AZIN1: variants seen among roughly 807,000 people sequenced by gnomAD.
AZIN1 encodes ornithine decarboxylase antizyme inhibitor.
In AZIN1, 12 loss-of-function variants were observed where a neutral mutation model predicts 47.4. The observed-to-expected ratio is 0.25, with a 90% CI of 0.16 to 0.41. The LOEUF is 0.41. Ranked by LOEUF, AZIN1 falls within the 10% of genes least tolerant of loss-of-function variation. The pLI, the probability that AZIN1 is intolerant of heterozygous loss-of-function variation, is 1.00. For missense variants in AZIN1, 410 were observed against 532.4 expected (o/e 0.77, Z 2.26); for synonymous variants, 155 against 176.3 (o/e 0.88, Z 0.96).
rs2131180127 is a variant in AZIN1 at position 102,826,984 on chromosome 8, A to T, written c.*1583T>A. The T allele has an allele frequency of 6.5e-6, 1 of 152,722 alleles. No individual in the cohort carries two copies. Among genetic ancestry groups the T allele is most frequent in the East Asian group, 1.9e-4 (1 of 5,188 alleles). 9.5% of individuals were successfully genotyped at this position (152,722 alleles called of 1,614,324 possible). On this transcript the variant is annotated 3_prime_UTR_variant, in exon 12 of 12. Coordinates refer to ENST00000337198, the MANE Select transcript of AZIN1 (RefSeq NM_148174.4). ...TTAAATGGGCATTAATCAAATCAAA[A>T]AATATTAAGCACCTACTGGTTTAAG... is the stretch of plus-strand genomic sequence containing the variant.
At chr8:102,856,881 G>A (rs1265954102) in intron 2 of AZIN1, among the ~76,000 whole-genome samples, 3 of 152,206 alleles carry the variant, frequency 2.0e-5, no homozygotes, top group South Asian at 4.1e-4. Flanking sequence ...TTTGGGTGAG[G>A]CTGAGATTCT....
chr8:102,862,944 T>C (rs777665980), intron 1 of AZIN1, among the ~76,000 whole-genome samples: 2 of 152,220 alleles, frequency 1.3e-5, no homozygotes, highest in Non-Finnish European at 2.9e-5. Context: ...AAGACAGTAG[T>C]TGATAAGCCA....
chr8:102,858,528 G>A (rs151079547), intron 1 of AZIN1, among the ~76,000 whole-genome samples: 10 of 152,182 alleles, frequency 6.6e-5, no homozygotes, highest in African/African-American at 2.4e-4. Flanking sequence ...CACCAACCTA[G>A]TGTATATACA....
At position 102,857,800 on chromosome 8, in the gene AZIN1, T is replaced by C. The variant is rs531134600; in HGVS notation, c.-96+213A>G. Reference sequence around the variant, plus strand: ...TTTCTAAGTTATGCATACAAGATAGTTTTAAATGATCCAGTCATTGGTAAA... The same window carrying C: ...TTTCTAAGTTATGCATACAAGATAGCTTTAAATGATCCAGTCATTGGTAAA... On this transcript the variant is annotated intron_variant, in intron 2 of 11. Transcript: ENST00000337198. Among the ~76,000 whole-genome samples the C allele has an allele frequency of 5.3e-5, 8 of 152,036 alleles. No individual in the cohort carries two copies. The South Asian group carries it at 1.3e-3, about 24-fold the overall frequency.
rs1379936928 is a variant in AZIN1 at position 102,833,038 on chromosome 8, A to G, written c.904+18T>C. On this transcript the variant is annotated intron_variant, in intron 9 of 11. Coordinates refer to ENST00000337198, the MANE Select transcript of AZIN1 (RefSeq NM_148174.4). ...ATTATCTACCAACAAAAATAAAACT[A>G]TAAACTTTATAACTTACCTCCAGAG... 1.3e-6 allele frequency: 2 copies of G among 1,580,832 alleles called. No individual in the cohort carries two copies. The highest frequency in any genetic ancestry group is 1.7e-6 in the Non-Finnish European group (2 of 1,153,130).
chr8:102,835,971 A>C (rs187910052), intron 6 of AZIN1, among the ~76,000 whole-genome samples: 167 of 152,334 alleles, frequency 1.1e-3, no homozygotes, highest in Non-Finnish European at 2.1e-3. Context: ...CATCCAATTT[A>C]AAAGGCGGCG....
intron 2 of AZIN1, 36 bp downstream of exon 2, chr8:102,857,977 G>C: frequency 2.5e-6 from 1 of 398,784 alleles, no homozygotes; most frequent in South Asian, 1.3e-4. Context: ...CGATTTTAAA[G>C]ACCTCCTCCC....
At chr8:102,842,656 G>A (rs1374007540) in intron 3 of AZIN1, among the ~76,000 whole-genome samples, 9 of 150,072 alleles carry the variant, frequency 6.0e-5, no homozygotes, top group Admixed American at 2.0e-4. Flanking sequence ...GCAGTGAGCC[G>A]AGATACTGCC....
At chr8:102,841,806 A>T (rs918288560) in intron 3 of AZIN1, among the ~76,000 whole-genome samples, 13 of 97,956 alleles carry the variant, frequency 1.3e-4, no homozygotes, top group African/African-American at 3.2e-4. Flanking sequence ...ATATATATAT[A>T]AAAAAAAAAA....
Position 102,833,238 on chromosome 8 carries a change from C to T in AZIN1, c.742-20G>A, listed in dbSNP as rs756020928. ...ATTAACCTATGGATTTTAAATGCCACAGTATGGTTTCAATATTGGATTAGA... is the reference window on the plus strand; with the variant it reads ...ATTAACCTATGGATTTTAAATGCCATAGTATGGTTTCAATATTGGATTAGA... On this transcript the variant is annotated intron_variant, in intron 8 of 11. Transcript: ENST00000337198. The T allele has an allele frequency of 2.0e-5, 32 of 1,600,546 alleles. No homozygotes were observed. The highest frequency in any genetic ancestry group is 2.4e-5 in the Non-Finnish European group (28 of 1,173,406).
intron 3 of AZIN1, among the ~76,000 whole-genome samples, chr8:102,842,103 C>T (rs193001062): frequency 6.0e-5 from 9 of 151,142 alleles, no homozygotes; most frequent in African/African-American, 1.7e-4. Flanking sequence ...AAGAGTGAAA[C>T]TTCGTCTCAA....
At chr8:102,864,179 G>C (rs961413253), upstream of AZIN1, 3 of 182,268 alleles carry the variant, frequency 1.6e-5, no homozygotes, top group Non-Finnish European at 3.4e-5. Flanking sequence ...GGCGGCGCCA[G>C]CGACGCCAGT....
At chr8:102,860,553 A>G (rs932133101) in intron 1 of AZIN1, among the ~76,000 whole-genome samples, 2 of 152,046 alleles carry the variant, frequency 1.3e-5, no homozygotes, top group Non-Finnish European at 2.9e-5. Flanking sequence ...ATGAGCCACC[A>G]CGCCTGGCCT....
At chr8:102,858,595 ACT>A (rs1047461727) in intron 1 of AZIN1, among the ~76,000 whole-genome samples, 1 of 152,074 alleles carries the variant, frequency 6.6e-6, no homozygotes, top group African/African-American at 2.4e-5. Context: ...CACCCAGAAC[ACT>A]CTTTTACTCC....
chr8:102,860,216 G>C (rs1483127076), intron 1 of AZIN1, among the ~76,000 whole-genome samples: 5 of 152,344 alleles, frequency 3.3e-5, no homozygotes, highest in Non-Finnish European at 2.9e-5. Flanking sequence ...ATAGCACAGA[G>C]AGGGCTCGGT....
At chr8:102,847,696 CTCAG>C (rs1297393958) in intron 2 of AZIN1, among the ~76,000 whole-genome samples, 1 of 152,110 alleles carries the variant, frequency 6.6e-6, no homozygotes, top group Non-Finnish European at 1.5e-5. Flanking sequence ...CCCACCTCCA[CTCAG>C]TCAGTCCCTG....
chr8:102,834,703 T>G lies in AZIN1; in HGVS notation c.629A>C (p.His210Pro), dbSNP rs1298997738. The change falls in exon 7 of 12, where the codon CAT (histidine) becomes CCT (proline). Residue 210 changes from histidine to proline, a missense_variant. By Grantham distance (77) the His-to-Pro change is moderately conservative. Around this residue, in one of 3 missense-constraint regions of AZIN1, gnomAD observed 237 missense variants for 309.4 expected, o/e 0.77. Transcript: ENST00000337198. ...SACKESQVYV[H>P]ALSDARCVFD... ...CACACATCGAGCATCAGATAGAGCA[T>G]GTACATATACTTGAGATTCTTTGCA... 1 of 1,612,472 alleles carries G rather than the reference T, an allele frequency of 6.2e-7. No individual in the cohort carries two copies. The highest frequency in any genetic ancestry group is 8.5e-7 in the Non-Finnish European group (1 of 1,179,044).
At chr8:102,856,142 TA>T (rs1015781435) in intron 2 of AZIN1, 4 of 149,534 alleles carry the variant, frequency 2.7e-5, no homozygotes, top group African/African-American at 7.3e-5. Flanking sequence ...AAGGAAGCTA[TA>T]AAAAAATTTT....
rs548132353 is a variant in AZIN1, at chr8:102,852,340, C to G, written c.-96+5673G>C. 2.6e-5 allele frequency among the ~76,000 whole-genome samples: 4 copies of G among 152,280 alleles called. No homozygotes were observed. In the South Asian group the frequency reaches 8.3e-4, roughly 32 times the overall value. ...CCTGTAATCCCAGCACTTTGGGAGGCTGAGGAGGGCAGATCACCTGAGGTC... is the reference window on the plus strand; with the variant it reads ...CCTGTAATCCCAGCACTTTGGGAGGGTGAGGAGGGCAGATCACCTGAGGTC... On this transcript the variant is annotated intron_variant, in intron 2 of 11. Transcript: ENST00000337198.
Sources: gnomAD v4.1 joint callset for allele counts (sites outside exome capture counted in the v4.1 genomes callset) on GRCh38, gnomAD v4.1.1 for gene constraint, gnomAD v4.1.1 regional missense constraint, MANE v1.5 for transcripts, NCBI Gene and HGNC (gene_info 2026-07-23, HGNC 2026-07-21) for gene names.